SLC1A1: variants seen among roughly 807,000 people sequenced by gnomAD.
SLC1A1 encodes the protein solute carrier family 1 member 1.
SLC1A1 carries 43 observed loss-of-function variants against 53.3 expected under a neutral mutation model. The ratio of observed to expected loss-of-function variants is 0.81; its 90% CI spans 0.63 to 1.04. SLC1A1 has a LOEUF of 1.04. Among genes scored for constraint, SLC1A1 ranks in the 50% least tolerant of loss-of-function variants. The pLI is 0.00. For synonymous variants in SLC1A1, 307 were observed against 243.2 expected, an observed-to-expected ratio of 1.26 and a Z score of -2.44; for missense variants, 748 against 664.9, an observed-to-expected ratio of 1.12 and a Z score of -1.37.
intron 7 of SLC1A1, 33 bp from the exon 8 acceptor site, chr9:4,573,874 C>T (rs374384434): frequency 1.9e-5 from 27 of 1,433,106 alleles, no homozygotes; most frequent in Admixed American, 1.5e-4. Flanking sequence ...CACTTGATGA[C>T]GGAATCACGC....
intron 10 of SLC1A1, among the ~76,000 whole-genome samples, chr9:4,580,113 C>T (rs1183227702): frequency 2.6e-5 from 4 of 152,130 alleles, no homozygotes; most frequent in East Asian, 1.9e-4. Flanking sequence ...TGCCTGTAGT[C>T]CCAGCTACTC....
At chr9:4,570,193 C>T (rs1017469518) in intron 6 of SLC1A1, among the ~76,000 whole-genome samples, 8 of 152,142 alleles carry the variant, frequency 5.3e-5, no homozygotes, top group South Asian at 2.1e-4. Flanking sequence ...ATAGTTTGGG[C>T]GCACAATTAA....
Position 4,561,321 on chromosome 9 carries a change from G to C in SLC1A1, c.233-128G>C, listed in dbSNP as rs1374043779. On this transcript the variant is annotated intron_variant, in intron 2 of 11. Coordinates refer to ENST00000262352, the MANE Select transcript of SLC1A1 (RefSeq NM_004170.6). Reference sequence around the variant, plus strand: ...GAAGTGTTGCTTTTGCCCATTGCATGTTATTGCCCATTGTCTGTAGATGAG... The same window carrying C: ...GAAGTGTTGCTTTTGCCCATTGCATCTTATTGCCCATTGTCTGTAGATGAG... 7 of 751,968 alleles carry C rather than the reference G, an allele frequency of 9.3e-6. No homozygotes were observed. In the East Asian group the frequency reaches 1.7e-4, roughly 19 times the overall value. 46.6% of individuals were successfully genotyped at this position (751,968 alleles called of 1,614,324 possible).
rs572245978 is a variant in SLC1A1, at chr9:4,587,293, G to C, written c.*1735G>C. On this transcript the variant is annotated 3_prime_UTR_variant, in exon 12 of 12. Coordinates refer to ENST00000262352, the MANE Select transcript of SLC1A1 (RefSeq NM_004170.6). ...ATCAGTAATTTATCTTGGGCTAAATGGTTCTACCCCTTACTAGGTTGCCCC... is the reference window on the plus strand; with the variant it reads ...ATCAGTAATTTATCTTGGGCTAAATCGTTCTACCCCTTACTAGGTTGCCCC... 4 of 152,176 alleles carry C rather than the reference G, an allele frequency of 2.6e-5. No individual in the cohort carries two copies. In the East Asian group the frequency reaches 7.7e-4, roughly 29 times the overall value. 9.4% of individuals were successfully genotyped at this position (152,176 alleles called of 1,614,324 possible).
At chr9:4,564,219 G>A (rs529485393) in intron 3 of SLC1A1, 125 bp from the exon 4 acceptor site, 5 of 719,676 alleles carry the variant, frequency 6.9e-6, no homozygotes, top group African/African-American at 1.7e-5. Flanking sequence ...ATTTTGGCTG[G>A]ACCTCAGGGT....
At chr9:4,558,744 G>A (rs1018563782) in intron 2 of SLC1A1, among the ~76,000 whole-genome samples, 9 of 152,018 alleles carry the variant, frequency 5.9e-5, no homozygotes, top group African/African-American at 9.7e-5. Context: ...ACACATCCCC[G>A]AGAACAGCTC....
intron 1 of SLC1A1, among the ~76,000 whole-genome samples, chr9:4,516,799 T>C (rs1263279673): frequency 6.6e-6 from 1 of 152,174 alleles, no homozygotes; most frequent in Non-Finnish European, 1.5e-5. Flanking sequence ...AATGAACCCA[T>C]TATATGGAAG....
intron 11 of SLC1A1, among the ~76,000 whole-genome samples, chr9:4,584,772 T>C (rs1027734535): frequency 1.3e-5 from 2 of 152,196 alleles, no homozygotes; most frequent in Non-Finnish European, 2.9e-5. Context: ...CTGTGTTTTC[T>C]GACCCCGTGC....
chr9:4,525,502 T>C (rs1203967885), intron 1 of SLC1A1, among the ~76,000 whole-genome samples: 2 of 151,732 alleles, frequency 1.3e-5, no homozygotes, highest in Non-Finnish European at 2.9e-5. Context: ...AAATTACAAA[T>C]TACACAGGAA....
chr9:4,500,794 C>G (rs573154290), intron 1 of SLC1A1, among the ~76,000 whole-genome samples: 5 of 152,314 alleles, frequency 3.3e-5, no homozygotes, highest in African/African-American at 1.2e-4. Flanking sequence ...AAATTATCTG[C>G]TGACTGCCTG....
intron 1 of SLC1A1, among the ~76,000 whole-genome samples, chr9:4,534,887 G>A (rs575621736): frequency 6.6e-6 from 1 of 152,278 alleles, no homozygotes; most frequent in East Asian, 1.9e-4. Context: ...TCCCTGGGAT[G>A]CAAGGCTGGT....
chr9:4,545,032 T>A lies in SLC1A1; in HGVS notation c.232+325T>A, dbSNP rs147872444. ...CTATGATTCAATTACCTCCACCTGG[T>A]CTCTCCCTTGACACCTGGGGATTAT... On this transcript the variant is annotated intron_variant, in intron 2 of 11. Transcript: ENST00000262352. Among the ~76,000 whole-genome samples, 86 of 152,274 alleles carry A rather than the reference T, an allele frequency of 5.6e-4. 1 individual carries two copies. Among genetic ancestry groups the A allele is most frequent in the African/African-American group, 2.0e-3 (84 of 41,550 alleles).
chr9:4,576,707 G>A lies in SLC1A1; in HGVS notation c.1137G>A (p.Val379=). ...CGCTCTATGAAGCAGTGGCAGCGGTGTTTATTGCACAGTTGAATGACCTGG... is the reference window on the plus strand; with the variant it reads ...CGCTCTATGAAGCAGTGGCAGCGGTATTTATTGCACAGTTGAATGACCTGG... The part of the protein sequence containing the change: ...GTALYEAVAA[V]FIAQLNDLDL... Residue 379 remains valine, a synonymous_variant, in exon 10 of 12, where the codon GTG becomes GTA. Coordinates refer to ENST00000262352, the MANE Select transcript of SLC1A1 (RefSeq NM_004170.6). The A allele has an allele frequency of 6.2e-7, 1 of 1,614,226 alleles. No homozygotes were observed. Among genetic ancestry groups the A allele is most frequent in the Non-Finnish European group, 8.5e-7 (1 of 1,180,040 alleles).
chr9:4,567,039 G>C (rs1819555162), intron 5 of SLC1A1, among the ~76,000 whole-genome samples: 1 of 152,112 alleles, frequency 6.6e-6, no homozygotes, highest in African/African-American at 2.4e-5. Context: ...TCTCAGTGTT[G>C]GCAGAGCCTG....
chr9:4,520,322 G>A (rs544099185), intron 1 of SLC1A1, among the ~76,000 whole-genome samples: 5 of 152,284 alleles, frequency 3.3e-5, no homozygotes, highest in Non-Finnish European at 7.3e-5. Context: ...TCACTGTGAT[G>A]TCAGCAGCTT....
chr9:4,555,199 A>G (rs1321937389), intron 2 of SLC1A1, among the ~76,000 whole-genome samples: 1 of 152,244 alleles, frequency 6.6e-6, no homozygotes, highest in African/African-American at 2.4e-5. Context: ...GACAGGAGTC[A>G]TCCACATGGC....
Position 4,544,574 on chromosome 9 carries a change from C to T in SLC1A1, c.99C>T (p.Thr33=), listed in dbSNP as rs1256840501. Residue 33 remains threonine, a synonymous_variant, in exon 2 of 12, where the codon ACC becomes ACT. Transcript: ENST00000262352. ...AACTCTTGTTTTCCTTAGGCATTAC[C>T]ACAGGAGTCTTGGTTCGAGAACACA... The part of the protein sequence containing the change: ...STVAAVVLGI[T]TGVLVREHSN... 2 of 1,613,554 alleles carry T rather than the reference C, an allele frequency of 1.2e-6. No individual in the cohort carries two copies. Among genetic ancestry groups the T allele is most frequent in the Admixed American group, 1.7e-5 (1 of 60,018 alleles).
rs114623304 is a variant in SLC1A1 at position 4,544,670 on chromosome 9, C to G, written c.195C>G (p.Leu65=). 1,056 of 1,613,578 alleles carry G rather than the reference C, an allele frequency of 6.5e-4. 4 individuals are homozygous for G. In the African/African-American group the frequency reaches 0.012, roughly 18 times the overall value. Residue 65 remains leucine (L), a synonymous_variant, in exon 2 of 12, where the codon CTC becomes CTG. Transcript: ENST00000262352. The part of the protein sequence containing the change: ...PGEILMRMLK[L]IILPLIISSM... ...AAATTCTAATGCGGATGCTGAAACT[C>G]ATCATTTTGCCATTAATTATATCCA...
intron 1 of SLC1A1, among the ~76,000 whole-genome samples, chr9:4,544,361 T>C (rs747649826): frequency 6.6e-6 from 1 of 152,222 alleles, no homozygotes; most frequent in Non-Finnish European, 1.5e-5. Flanking sequence ...AGAATACTTT[T>C]TACAGATTTA....
Sources: gnomAD v4.1 joint callset for allele counts (sites outside exome capture counted in the v4.1 genomes callset) on GRCh38, gnomAD v4.1.1 for gene constraint, MANE v1.5 for transcripts, NCBI Gene and HGNC (gene_info 2026-07-23, HGNC 2026-07-21) for gene names.